Variants in CYSLTR2 observed in about 807,000 individuals in gnomAD.
The protein encoded by CYSLTR2 is G-protein coupled receptor GPCR21.
For missense variants in CYSLTR2, 398 were observed against 411.9 expected, an observed-to-expected ratio of 0.97 and a Z score of 0.29; for synonymous variants, 179 against 160.8, an observed-to-expected ratio of 1.11 and a Z score of -0.86.
chr13:48,707,040 G>A lies in CYSLTR2; in HGVS notation c.223G>A (p.Val75Ile), dbSNP rs758137158. ...QPYKKSTSVN[V>I]FMLNLAISDL... ...TTATAAGAAGTCCACATCTGTGAAC[G>A]TTTTCATGCTAAATCTGGCCATTTC... is the stretch of plus-strand genomic sequence containing the variant. Residue 75 changes from valine (V) to isoleucine (I), a missense_variant, in exon 5 of 5, where the codon GTT becomes ATT. Val to Ile is a conservative substitution (Grantham distance 29, BLOSUM62 3). Transcript: ENST00000682523. 10 of 1,614,150 alleles carry A rather than the reference G, an allele frequency of 6.2e-6. No individual in the cohort carries two copies. Among genetic ancestry groups the A allele is most frequent in the Non-Finnish European group, 6.8e-6 (8 of 1,180,028 alleles).
intron 1 of CYSLTR2, among the ~76,000 whole-genome samples, chr13:48,683,776 C>CT (rs1953822077): frequency 6.6e-6 from 1 of 152,086 alleles, no homozygotes; most frequent in South Asian, 2.1e-4. Context: ...GTTGCAATTG[C>CT]TTTTGGCATT....
chr13:48,689,042 C>T (rs538945849), intron 1 of CYSLTR2, among the ~76,000 whole-genome samples: 12 of 152,156 alleles, frequency 7.9e-5, no homozygotes, highest in African/African-American at 2.2e-4. Flanking sequence ...GTTTGTTGGC[C>T]GCATAAATGT....
intron 1 of CYSLTR2, among the ~76,000 whole-genome samples, chr13:48,677,472 G>A (rs989865980): frequency 1.3e-5 from 2 of 152,152 alleles, no homozygotes; most frequent in Non-Finnish European, 2.9e-5. Flanking sequence ...AGAGAGCAAA[G>A]GTTACACAGC....
chr13:48,682,462 T>C (rs916488286), intron 1 of CYSLTR2, among the ~76,000 whole-genome samples: 6 of 152,132 alleles, frequency 3.9e-5, no homozygotes, highest in African/African-American at 1.4e-4. Context: ...AGTTCTAAAG[T>C]ATGTGCTCCC....
At chr13:48,689,817 T>C (rs946570090) in intron 1 of CYSLTR2, among the ~76,000 whole-genome samples, 1 of 152,224 alleles carries the variant, frequency 6.6e-6, no homozygotes, top group Non-Finnish European at 1.5e-5. Context: ...TTGATGGGCA[T>C]AGCACTGAAT....
intron 1 of CYSLTR2, among the ~76,000 whole-genome samples, chr13:48,668,851 C>T (rs1953340706): frequency 6.6e-6 from 1 of 152,112 alleles, no homozygotes; most frequent in Admixed American, 6.5e-5. Context: ...TGAGTGAGAA[C>T]ATGCGGTGTT....
At position 48,709,969 on chromosome 13, in the gene CYSLTR2, G is replaced by C. The variant is rs1954597311; in HGVS notation, c.*2111G>C. Reference sequence around the variant, plus strand: ...GAGAGGGATTTAGATTTCTCTTGCAGAGATTGAGATAAACTAGTCGTAAAT... The same window carrying C: ...GAGAGGGATTTAGATTTCTCTTGCACAGATTGAGATAAACTAGTCGTAAAT... On this transcript the variant is annotated 3_prime_UTR_variant, in exon 5 of 5. Transcript: ENST00000682523. 1 of 152,180 alleles carries C rather than the reference G, an allele frequency of 6.6e-6. No individual in the cohort carries two copies. The highest frequency in any genetic ancestry group is 1.5e-5 in the Non-Finnish European group (1 of 68,032). The allele number at this position is 152,180 out of a possible 1,614,324, so 9.4% of individuals were successfully genotyped here.
intron 4 of CYSLTR2, among the ~76,000 whole-genome samples, chr13:48,705,343 G>C (rs898655466): frequency 6.6e-6 from 1 of 151,918 alleles, no homozygotes; most frequent in East Asian, 1.9e-4. Flanking sequence ...ACATAATTCG[G>C]TCATTTAAAA....
At chr13:48,696,171 C>T (rs939762907) in intron 3 of CYSLTR2, among the ~76,000 whole-genome samples, 1 of 152,162 alleles carries the variant, frequency 6.6e-6, no homozygotes, top group African/African-American at 2.4e-5. Context: ...TTTTTATGTG[C>T]TTATATGCTA....
At chr13:48,656,999 A>T (rs1953013837) in intron 1 of CYSLTR2, among the ~76,000 whole-genome samples, 1 of 152,228 alleles carries the variant, frequency 6.6e-6, no homozygotes. Flanking sequence ...TACTGCAGTT[A>T]CTTATGTACA....
At chr13:48,675,750 G>A (rs750082990) in intron 1 of CYSLTR2, among the ~76,000 whole-genome samples, 10 of 152,086 alleles carry the variant, frequency 6.6e-5, no homozygotes, top group Non-Finnish European at 1.0e-4. Flanking sequence ...GCCAAGTTTT[G>A]TGGTTGAAAC....
intron 1 of CYSLTR2, among the ~76,000 whole-genome samples, chr13:48,654,243 T>A (rs1049041376): frequency 6.7e-6 from 1 of 148,684 alleles, no homozygotes; most frequent in African/African-American, 2.5e-5. Context: ...ATTTTGGGGA[T>A]CGTCCCTTTG....
intron 2 of CYSLTR2, among the ~76,000 whole-genome samples, chr13:48,692,125 C>T (rs889180787): frequency 6.6e-6 from 1 of 151,802 alleles, no homozygotes; most frequent in Non-Finnish European, 1.5e-5. Context: ...ATAGTTGTTC[C>T]AGGAGACAAG....
At position 48,707,253 on chromosome 13, in the gene CYSLTR2, C is replaced by T. The variant is rs200689739; in HGVS notation, c.436C>T (p.Leu146Phe). ...CCTGGCAATGGTTCACCCCTTTCGG[C>T]TTCTGCATGTCACCAGCATCAGGAG... is the stretch of plus-strand genomic sequence containing the variant. ...RFLAMVHPFRLLHVTSIRSAW... is the reference protein window; with the variant it reads ...RFLAMVHPFRFLHVTSIRSAW... The change falls in exon 5 of 5, where the codon CTT (leucine) becomes TTT (phenylalanine). Residue 146 changes from leucine to phenylalanine, a missense_variant. Leu to Phe is a conservative substitution (Grantham distance 22). Transcript: ENST00000682523. The T allele has an allele frequency of 1.9e-6, 3 of 1,614,068 alleles. No individual in the cohort carries two copies. The highest frequency in any genetic ancestry group is 1.1e-5 in the South Asian group (1 of 91,078).
intron 1 of CYSLTR2, among the ~76,000 whole-genome samples, chr13:48,674,029 A>C (rs969210171): frequency 6.6e-6 from 1 of 152,134 alleles, no homozygotes; most frequent in African/African-American, 2.4e-5. Context: ...GGGTAACCCA[A>C]CCTTTCTGTC....
intron 1 of CYSLTR2, among the ~76,000 whole-genome samples, chr13:48,655,144 G>T (rs373897427): frequency 7.2e-5 from 11 of 152,316 alleles, no homozygotes; most frequent in African/African-American, 2.6e-4. Flanking sequence ...AGATGGATTT[G>T]TTTCCAGTGC....
chr13:48,695,794 C>A (rs185196728), intron 3 of CYSLTR2, among the ~76,000 whole-genome samples: 1 of 152,308 alleles, frequency 6.6e-6, no homozygotes, highest in African/African-American at 2.4e-5. Flanking sequence ...TATGCATGTA[C>A]CACTGTTTAA....
chr13:48,703,436 T>C (rs1263335875), intron 4 of CYSLTR2, among the ~76,000 whole-genome samples: 3 of 152,310 alleles, frequency 2.0e-5, no homozygotes, highest in East Asian at 3.9e-4. Context: ...CTATGAAGTA[T>C]AATGTTATCT....
intron 2 of CYSLTR2, among the ~76,000 whole-genome samples, chr13:48,692,298 A>AGAATATTT (rs1239107691): frequency 6.6e-6 from 1 of 152,048 alleles, no homozygotes; most frequent in Admixed American, 6.6e-5. Context: ...GAAAGTTAAC[A>AGAATATTT]GAATATTTTA....
Sources: gnomAD v4.1 joint callset for allele counts (sites outside exome capture counted in the v4.1 genomes callset) on GRCh38, gnomAD v4.1.1 for gene constraint, MANE v1.5 for transcripts, NCBI Gene and HGNC (gene_info 2026-07-23, HGNC 2026-07-21) for gene names.